Variants in GNA14 observed in about 807,000 individuals in gnomAD.
GNA14 encodes G protein subunit alpha 14.
A neutral mutation model predicts 42.0 loss-of-function variants in GNA14; 50 were observed. That is an observed-to-expected ratio of 1.19 (90% CI 0.95 to 1.51). The LOEUF is 1.51. Ranked by LOEUF, GNA14 falls within the 40% of genes most tolerant of loss-of-function variation. GNA14 has a pLI of 0.00. For missense variants in GNA14, 473 were observed against 446.2 expected (o/e 1.06, Z -0.54); for synonymous variants, 173 against 163.1 (o/e 1.06, Z -0.46).
intron 2 of GNA14, among the ~76,000 whole-genome samples, chr9:77,474,396 ATC>A (rs746333156): frequency 0.62 from 93,971 of 152,112 alleles, 30,660 homozygotes; most frequent in African/African-American, 0.83. Flanking sequence ...AGCACTTGTT[ATC>A]CATGACAAGC....
At chr9:77,504,548 AAGAGAGAGAG>A (rs10559406) in intron 2 of GNA14, among the ~76,000 whole-genome samples, 1 of 145,036 alleles carries the variant, frequency 6.9e-6, no homozygotes, top group African/African-American at 2.6e-5. Context: ...AAAAAAAAAA[AAGAGAGAGAG>A]AGAGAGAGAG....
intron 1 of GNA14, among the ~76,000 whole-genome samples, chr9:77,602,043 G>C (rs1050492009): frequency 6.6e-6 from 1 of 152,096 alleles, no homozygotes; most frequent in Admixed American, 6.5e-5. Flanking sequence ...ATTCTCTCTG[G>C]CTTGCCTTAG....
chr9:77,516,834 C>A (rs1837267095), intron 2 of GNA14, among the ~76,000 whole-genome samples: 1 of 152,152 alleles, frequency 6.6e-6, no homozygotes, highest in Non-Finnish European at 1.5e-5. Context: ...AGAGTAATCT[C>A]TGGCCAAATA....
At chr9:77,433,828 G>A (rs1248650258) in intron 3 of GNA14, among the ~76,000 whole-genome samples, 1 of 152,222 alleles carries the variant, frequency 6.6e-6, no homozygotes, top group Non-Finnish European at 1.5e-5. Flanking sequence ...TGAGCTTCCT[G>A]TGTGTGCTGC....
At chr9:77,429,706 C>T (rs897501153) in intron 4 of GNA14, among the ~76,000 whole-genome samples, 4 of 152,154 alleles carry the variant, frequency 2.6e-5, no homozygotes, top group African/African-American at 7.2e-5. Context: ...GCACAACAGC[C>T]GGGGGCCCTG....
At chr9:77,624,918 C>T (rs567669804) in intron 1 of GNA14, among the ~76,000 whole-genome samples, 2 of 151,688 alleles carry the variant, frequency 1.3e-5, no homozygotes, top group African/African-American at 2.4e-5. Context: ...ACGAATTGAC[C>T]GAAGTAGGCT....
rs80105981 is a variant in GNA14, at chr9:77,485,314, A to C, written c.309+43755T>G. On this transcript the variant is annotated intron_variant, in intron 2 of 6. Transcript: ENST00000341700. Reference sequence around the variant, plus strand: ...TAAGAAGGAACTCCTCATTTTTTCAAGTTTTATAATGAGATTGCAGCAATT... The same window carrying C: ...TAAGAAGGAACTCCTCATTTTTTCACGTTTTATAATGAGATTGCAGCAATT... Among the ~76,000 whole-genome samples, 939 of 152,256 alleles carry C rather than the reference A, an allele frequency of 6.2e-3. 6 individuals carry two copies. Among genetic ancestry groups the C allele is most frequent in the Non-Finnish European group, 0.01 (695 of 68,012 alleles).
intron 2 of GNA14, among the ~76,000 whole-genome samples, chr9:77,464,501 C>T (rs1488713854): frequency 6.6e-6 from 1 of 151,510 alleles, no homozygotes; most frequent in Non-Finnish European, 1.5e-5. Flanking sequence ...CCATTTTTTT[C>T]TTTCTTAATC....
chr9:77,518,739 A>T (rs1005898513), intron 2 of GNA14, among the ~76,000 whole-genome samples: 3 of 152,192 alleles, frequency 2.0e-5, no homozygotes, highest in Admixed American at 1.3e-4. Context: ...ATCTTTAATG[A>T]ATTGTGTACC....
chr9:77,614,808 C>T (rs1823784556), intron 1 of GNA14, among the ~76,000 whole-genome samples: 1 of 152,146 alleles, frequency 6.6e-6, no homozygotes, highest in Admixed American at 6.5e-5. Context: ...CTGCATCATC[C>T]ACTGCCTAGA....
chr9:77,581,836 T>C (rs1175091994), intron 1 of GNA14, among the ~76,000 whole-genome samples: 1 of 152,168 alleles, frequency 6.6e-6, no homozygotes, highest in African/African-American at 2.4e-5. Context: ...GTGGCTCTCC[T>C]CTGCCACCTT....
intron 2 of GNA14, among the ~76,000 whole-genome samples, chr9:77,465,038 G>A (rs1836197526): frequency 6.6e-6 from 1 of 152,210 alleles, no homozygotes. Context: ...TCTCCTATAG[G>A]CTTTGGAGGG....
chr9:77,503,510 T>C (rs1038963736), intron 2 of GNA14, among the ~76,000 whole-genome samples: 2 of 152,230 alleles, frequency 1.3e-5, no homozygotes, highest in East Asian at 1.9e-4. Context: ...TACGTGATGT[T>C]CATTTCTCTC....
chr9:77,613,133 T>C (rs534008751), intron 1 of GNA14, among the ~76,000 whole-genome samples: 2 of 152,342 alleles, frequency 1.3e-5, no homozygotes, highest in East Asian at 3.9e-4. Context: ...ACTCATTCCA[T>C]TGGACCAGGG....
intron 1 of GNA14, among the ~76,000 whole-genome samples, chr9:77,620,584 C>G (rs1360463780): frequency 2.6e-5 from 4 of 152,134 alleles, no homozygotes; most frequent in Non-Finnish European, 4.4e-5. Context: ...CGTGGTGGCT[C>G]GTGCCTGTAA....
intron 1 of GNA14, among the ~76,000 whole-genome samples, chr9:77,645,037 C>T (rs1824331880): frequency 1.3e-5 from 2 of 152,208 alleles, no homozygotes; most frequent in African/African-American, 2.4e-5. Flanking sequence ...TTAGCCTTAA[C>T]CAAACAACAG....
intron 2 of GNA14, among the ~76,000 whole-genome samples, chr9:77,516,505 C>G (rs1837259780): frequency 6.6e-6 from 1 of 152,146 alleles, no homozygotes; most frequent in African/African-American, 2.4e-5. Flanking sequence ...GGCAGCTGAT[C>G]ACTTGAGGCC....
intron 1 of GNA14, among the ~76,000 whole-genome samples, chr9:77,611,578 T>C (rs1219418894): frequency 6.6e-6 from 1 of 152,156 alleles, no homozygotes; most frequent in East Asian, 1.9e-4. Context: ...CATAAGGAAT[T>C]ACCTCCCAAC....
chr9:77,590,982 G>A (rs186090370), intron 1 of GNA14, among the ~76,000 whole-genome samples: 4 of 152,148 alleles, frequency 2.6e-5, no homozygotes, highest in East Asian at 1.9e-4. Context: ...AAGATTCCAC[G>A]TTCTTCTATA....
Sources: allele counts gnomAD v4.1 joint callset (sites outside exome capture counted in the v4.1 genomes callset), GRCh38; gene constraint gnomAD v4.1.1; transcripts MANE v1.5; gene names NCBI Gene and HGNC (gene_info 2026-07-23, HGNC 2026-07-21).